CNGB1: variants seen among roughly 807,000 people sequenced by gnomAD.
CNGB1 encodes cyclic nucleotide-gated channel beta-1.
Under a neutral mutation model 151.7 loss-of-function variants are expected in CNGB1, and 126 were observed. That is an observed-to-expected ratio of 0.83 (90% confidence interval 0.72 to 0.96). CNGB1 has a LOEUF of 0.96. Ranked by LOEUF, CNGB1 falls within the 40% of genes least tolerant of loss-of-function variation. CNGB1 has a pLI of 0.00. For missense variants in CNGB1, 1,698 were observed against 1,627.0 expected, an observed-to-expected ratio of 1.04 and a Z score of -0.75; for synonymous variants, 623 against 635.1, an observed-to-expected ratio of 0.98 and a Z score of 0.29.
chr16:57,916,240 AG>A, intron 21 of CNGB1, 61 bp from the exon 22 acceptor site: 1 of 1,526,306 alleles, frequency 6.6e-7, no homozygotes, highest in South Asian at 1.1e-5. Context: ...GACCCTGTGG[AG>A]CAATTGTGAA....
chr16:57,958,623 A>C (rs1962152479), intron 10 of CNGB1, 138 bp from the exon 11 acceptor site: 1 of 710,778 alleles, frequency 1.4e-6, no homozygotes, highest in African/African-American at 1.7e-5. Context: ...CCAGGTCTCC[A>C]GCCCTGAAGA....
chr16:57,895,657 G>T (rs921805018), intron 31 of CNGB1, among the ~76,000 whole-genome samples: 1 of 151,764 alleles, frequency 6.6e-6, no homozygotes, highest in African/African-American at 2.4e-5. Context: ...AGCAATGACT[G>T]CTCCTAGGAC....
chr16:57,905,581 C>T (rs181374193), intron 25 of CNGB1, among the ~76,000 whole-genome samples: 11 of 152,356 alleles, frequency 7.2e-5, no homozygotes, highest in Non-Finnish European at 1.6e-4. Flanking sequence ...CTGAATGTGT[C>T]CCCCGAAATT....
At chr16:57,910,411 A>G (rs365313) in intron 25 of CNGB1, among the ~76,000 whole-genome samples, 89,901 of 151,974 alleles carry the variant, frequency 0.59, 27,203 homozygotes, top group African/African-American at 0.74. Context: ...GTCTTGCTCT[A>G]TCACCCAGGC....
chr16:57,940,024 C>A (rs1200507680), intron 15 of CNGB1, among the ~76,000 whole-genome samples: 1 of 152,200 alleles, frequency 6.6e-6, no homozygotes, highest in Non-Finnish European at 1.5e-5. Flanking sequence ...AGGACTCGAG[C>A]TGGGTCCACC....
chr16:57,896,779 T>C (rs1456919859), intron 31 of CNGB1, among the ~76,000 whole-genome samples: 2 of 151,598 alleles, frequency 1.3e-5, no homozygotes, highest in Non-Finnish European at 2.9e-5. Context: ...CTGGCCTATA[T>C]GCTTAAAAGA....
Position 57,940,226 on chromosome 16 carries a change from T to C in CNGB1, c.1209+8A>G. ...CTCAGAGGTGCCAGTGCCTGGTGCT[T>C]CTCATACCTGATCTGAAGTGCTCTG... On this transcript the variant is annotated splice_region_variant and intron_variant, in intron 15 of 32. Coordinates refer to ENST00000251102, the MANE Select transcript of CNGB1 (RefSeq NM_001297.5). 1.3e-6 allele frequency: 2 copies of C among 1,560,998 alleles called. No individual in the cohort carries two copies. Among genetic ancestry groups the C allele is most frequent in the Non-Finnish European group, 1.7e-6 (2 of 1,152,184 alleles).
At chr16:57,904,584 G>A in intron 26 of CNGB1, 150 bp downstream of exon 26, 1 of 1,066,874 alleles carries the variant, frequency 9.4e-7, no homozygotes. Flanking sequence ...ACCGCGCAGG[G>A]ACCAGTGCTC....
intron 1 of CNGB1, among the ~76,000 whole-genome samples, chr16:57,969,491 G>A (rs547171112): frequency 6.6e-6 from 1 of 152,098 alleles, no homozygotes; most frequent in East Asian, 1.9e-4. Context: ...GGTGGCACGT[G>A]CCTGTAGTAC....
At chr16:57,956,828 T>C (rs1447229117) in intron 12 of CNGB1, among the ~76,000 whole-genome samples, 1 of 152,168 alleles carries the variant, frequency 6.6e-6, no homozygotes, top group African/African-American at 2.4e-5. Context: ...GTCTCAGTCC[T>C]CTGTCCCCGA....
chr16:57,913,614 G>T (rs1960790463), intron 23 of CNGB1, among the ~76,000 whole-genome samples: 1 of 152,010 alleles, frequency 6.6e-6, no homozygotes, highest in African/African-American at 2.4e-5. Context: ...CTAAGTAGCT[G>T]GGACTACAGG....
At chr16:57,958,509 G>C (rs1436104847) in intron 10 of CNGB1, 24 bp from the exon 11 acceptor site, 1 of 1,606,310 alleles carries the variant, frequency 6.2e-7, no homozygotes, top group Admixed American at 1.7e-5. Context: ...AGAGTGTGCG[G>C]TGTCCAGGTG....
chr16:57,897,478 A>C lies in CNGB1; in HGVS notation c.3161T>G (p.Leu1054Arg), dbSNP rs763490882. The C allele has an allele frequency of 1.9e-6, 3 of 1,614,232 alleles. No individual in the cohort carries two copies. The highest frequency in any genetic ancestry group is 2.5e-6 in the Non-Finnish European group (3 of 1,180,038). The stretch of plus-strand genomic sequence containing the variant: ...CAGGTCCTTCTTATCCAGGATGAAG[A>C]GGTTGGTAAACCCGTGCGCCACCAC... ...ANVVAHGFTN[L>R]FILDKKDLNE... Residue 1054 changes from leucine to arginine, a missense_variant, in exon 31 of 33, where the codon CTC (leucine) becomes CGC (arginine). Coordinates refer to ENST00000251102, the MANE Select transcript of CNGB1 (RefSeq NM_001297.5).
chr16:57,949,803 A>T (rs575846629), intron 13 of CNGB1, among the ~76,000 whole-genome samples: 1 of 152,342 alleles, frequency 6.6e-6, no homozygotes, highest in East Asian at 1.9e-4. Flanking sequence ...ATCCCTGTGG[A>T]AGGCGACTTG....
chr16:57,899,104 G>A (rs1480620975), intron 29 of CNGB1, among the ~76,000 whole-genome samples: 3 of 152,178 alleles, frequency 2.0e-5, no homozygotes, highest in Non-Finnish European at 2.9e-5. Context: ...AGCTTGTGGT[G>A]GAGTTGCACA....
chr16:57,917,202 T>C (rs145762465), intron 21 of CNGB1, 66 bp downstream of exon 21: 20,859 of 1,350,178 alleles, frequency 0.015, 170 homozygotes, highest in Non-Finnish European at 0.019. Flanking sequence ...CAGGGGTCAG[T>C]GCCCTGGAGG....
In CNGB1 at chr16:57,884,206, C is replaced by A. The variant is rs1959838004; in HGVS notation, c.3714G>T (p.Leu1238=). 1 of 1,613,964 alleles carries A rather than the reference C, an allele frequency of 6.2e-7. No individual in the cohort carries two copies. The highest frequency in any genetic ancestry group is 1.3e-5 in the African/African-American group (1 of 74,946). The stretch of plus-strand genomic sequence containing the variant: ...CCCTTTCCTCCGGCATCTTCACCGA[C>A]AGGATCTGCTCTCCCGGCTCCGGGC... ...SPGPEPGEQI[L]SVKMPEEREE... Residue 1238 remains leucine (L), a synonymous_variant, in exon 33 of 33, where the codon CTG becomes CTT. Transcript: ENST00000251102.
chr16:57,898,134 TC>T (rs1960284897), intron 29 of CNGB1, among the ~76,000 whole-genome samples: 1 of 152,118 alleles, frequency 6.6e-6, no homozygotes, highest in African/African-American at 2.4e-5. Context: ...CCCCATGCCC[TC>T]CATAACTGAC....
chr16:57,937,661 T>C (rs1009927017), intron 16 of CNGB1, among the ~76,000 whole-genome samples: 1 of 152,180 alleles, frequency 6.6e-6, no homozygotes, highest in African/African-American at 2.4e-5. Context: ...AATCTCAGAT[T>C]CTTAGACCCA....
Sources: gnomAD v4.1 joint callset for allele counts (sites outside exome capture counted in the v4.1 genomes callset) on GRCh38, gnomAD v4.1.1 for gene constraint, MANE v1.5 for transcripts, NCBI Gene and HGNC (gene_info 2026-07-23, HGNC 2026-07-21) for gene names.